MRPL1: variants seen among roughly 807,000 people sequenced by gnomAD.
MRPL1 encodes the protein mitochondrial ribosomal protein L1.
MRPL1 carries 28 observed loss-of-function variants against 38.0 expected under a neutral mutation model. That is an observed-to-expected ratio of 0.74 (90% CI 0.55 to 1.01). The LOEUF (loss-of-function observed/expected upper bound fraction) is 1.01. Ranked by LOEUF, MRPL1 falls within the 50% of genes least tolerant of loss-of-function variation. The probability of loss-of-function intolerance (pLI) is 0.00; values close to 1 mark genes in which losing one functional copy is unlikely to be tolerated. For synonymous variants in MRPL1, 123 were observed against 126.7 expected, an observed-to-expected ratio of 0.97 and a Z score of 0.20; for missense variants, 358 against 389.8, an observed-to-expected ratio of 0.92 and a Z score of 0.69.
intron 6 of MRPL1, among the ~76,000 whole-genome samples, chr4:77,906,493 A>G (rs1578049797): frequency 6.6e-6 from 1 of 152,138 alleles, no homozygotes; most frequent in Non-Finnish European, 1.5e-5. Context: ...AAGATTGTCT[A>G]GGGAAGCAGG....
chr4:77,917,988 G>A (rs1162084204), intron 7 of MRPL1, among the ~76,000 whole-genome samples: 1 of 151,204 alleles, frequency 6.6e-6, no homozygotes, highest in East Asian at 1.9e-4. Context: ...CTGGGAGGCG[G>A]AGGTTGCAGT....
intron 7 of MRPL1, among the ~76,000 whole-genome samples, chr4:77,922,537 AGTCCAGTTAAGG>A (rs1736603478): frequency 6.6e-6 from 1 of 152,236 alleles, no homozygotes; most frequent in Non-Finnish European, 1.5e-5. Context: ...ATGGAAGCAG[AGTCCAGTTAAGG>A]GTCTTTTGCA....
At chr4:77,882,053 A>C (rs2110234427) in intron 2 of MRPL1, among the ~76,000 whole-genome samples, 1 of 152,242 alleles carries the variant, frequency 6.6e-6, no homozygotes, top group Admixed American at 6.5e-5. Context: ...GAAGTCAGCA[A>C]ACTTTGGCGA....
chr4:77,928,997 G>C (rs1736784328), intron 7 of MRPL1, among the ~76,000 whole-genome samples: 1 of 152,232 alleles, frequency 6.6e-6, no homozygotes, highest in South Asian at 2.1e-4. Context: ...ACAATGTAGT[G>C]ATCATAGATA....
intron 4 of MRPL1, among the ~76,000 whole-genome samples, chr4:77,886,319 C>T (rs1735674854): frequency 6.6e-6 from 1 of 151,994 alleles, no homozygotes; most frequent in African/African-American, 2.4e-5. Flanking sequence ...GGGTGCTAGC[C>T]ACTATATGGC....
At chr4:77,925,464 G>C (rs893317729) in intron 7 of MRPL1, among the ~76,000 whole-genome samples, 12 of 151,104 alleles carry the variant, frequency 7.9e-5, no homozygotes, top group African/African-American at 2.9e-4. Flanking sequence ...CCGTTCTCCT[G>C]CCTCAGCCTC....
intron 1 of MRPL1, among the ~76,000 whole-genome samples, chr4:77,865,317 C>T (rs1045956954): frequency 1.3e-4 from 20 of 152,202 alleles, no homozygotes; most frequent in Admixed American, 1.3e-3. Context: ...CAGCACCTTG[C>T]AGTTGTTTAA....
intron 7 of MRPL1, among the ~76,000 whole-genome samples, chr4:77,940,126 T>A (rs1737082585): frequency 6.6e-6 from 1 of 152,188 alleles, no homozygotes; most frequent in Admixed American, 6.5e-5. Context: ...TGTATATTGC[T>A]TTTGACAGTA....
intron 7 of MRPL1, among the ~76,000 whole-genome samples, chr4:77,921,200 A>G (rs1208566211): frequency 2.0e-5 from 3 of 152,242 alleles, no homozygotes; most frequent in African/African-American, 7.2e-5. Context: ...GACAAAGTAC[A>G]CATGTACACA....
intron 6 of MRPL1, among the ~76,000 whole-genome samples, chr4:77,903,078 G>A (rs1300420889): frequency 2.0e-5 from 3 of 152,112 alleles, no homozygotes; most frequent in Non-Finnish European, 4.4e-5. Flanking sequence ...TCCTTCATGA[G>A]AATAGACGCA....
At chr4:77,922,322 A>G (rs747569078) in intron 7 of MRPL1, among the ~76,000 whole-genome samples, 1 of 152,214 alleles carries the variant, frequency 6.6e-6, no homozygotes, top group African/African-American at 2.4e-5. Flanking sequence ...CCTTGACAGT[A>G]TATCTGGTAT....
chr4:77,866,927 T>C (rs1171510508), intron 1 of MRPL1, among the ~76,000 whole-genome samples: 2 of 151,940 alleles, frequency 1.3e-5, no homozygotes, highest in East Asian at 1.9e-4. Context: ...TTTGTATTTT[T>C]AGTAGAGATG....
At position 77,948,074 on chromosome 4, in the gene MRPL1, G is replaced by C. The variant is rs199733779; in HGVS notation, c.778-1723G>C. On this transcript the variant is annotated intron_variant, in intron 7 of 8. Transcript: ENST00000315567. ...GAATGGCAATATAAAGCTGCAGAAA[G>C]TATAGTTACAAAAATCTGAGAAGTT... Among the ~76,000 whole-genome samples, 27 of 152,266 alleles carry C rather than the reference G, an allele frequency of 1.8e-4. No individual in the cohort carries two copies. The East Asian group carries it at 2.1e-3, about 12-fold the overall frequency.
chr4:77,889,753 A>G (rs1036343873), intron 5 of MRPL1, among the ~76,000 whole-genome samples: 6 of 152,170 alleles, frequency 3.9e-5, no homozygotes, highest in African/African-American at 1.4e-4. Context: ...ATACACAAGA[A>G]AAGAGAAGAA....
chr4:77,883,452 G>A lies in MRPL1; in HGVS notation c.354G>A (p.Lys118=). ...KFQILDFTSP[K]QSVYLDLTLD... The stretch of plus-strand genomic sequence containing the variant: ...AAATTCTTGACTTTACTAGTCCAAA[G>A]CAAAGTGTTTATCTTGATTTGACAC... Residue 118 remains lysine, a synonymous_variant, in exon 3 of 9, where the codon AAG becomes AAA. Coordinates refer to ENST00000315567, the MANE Select transcript of MRPL1 (RefSeq NM_020236.4). 1 of 1,613,786 alleles carries A rather than the reference G, an allele frequency of 6.2e-7. No individual in the cohort carries two copies. Among genetic ancestry groups the A allele is most frequent in the East Asian group, 2.2e-5 (1 of 44,820 alleles).
At chr4:77,882,006 C>T (rs1175252796) in intron 2 of MRPL1, among the ~76,000 whole-genome samples, 1 of 152,182 alleles carries the variant, frequency 6.6e-6, no homozygotes, top group East Asian at 1.9e-4. Flanking sequence ...CCTCATCTTC[C>T]ACTCTTGCCT....
chr4:77,949,194 CAGAA>C (rs537653067), intron 7 of MRPL1, among the ~76,000 whole-genome samples: 117 of 152,238 alleles, frequency 7.7e-4, no homozygotes, highest in African/African-American at 2.6e-3. Flanking sequence ...GAATAATAAA[CAGAA>C]AGACTTTTCA....
chr4:77,867,260 A>C (rs1735168034), intron 1 of MRPL1, among the ~76,000 whole-genome samples: 1 of 152,192 alleles, frequency 6.6e-6, no homozygotes, highest in Non-Finnish European at 1.5e-5. Flanking sequence ...CAGTGCTAGC[A>C]CATGTTTCAT....
At chr4:77,935,291 A>C (rs530613295) in intron 7 of MRPL1, among the ~76,000 whole-genome samples, 5 of 148,712 alleles carry the variant, frequency 3.4e-5, no homozygotes, top group South Asian at 4.1e-4. Flanking sequence ...AATGTAACTT[A>C]AAAAATATAT....
Sources: gnomAD v4.1 joint callset for allele counts (sites outside exome capture counted in the v4.1 genomes callset) on GRCh38, gnomAD v4.1.1 for gene constraint, MANE v1.5 for transcripts, NCBI Gene and HGNC (gene_info 2026-07-23, HGNC 2026-07-21) for gene names.